Variants in AHRR observed in about 807,000 individuals in gnomAD.
The protein encoded by AHRR is aryl hydrocarbon receptor repressor, also known as ahR repressor.
Under a neutral mutation model 44.0 loss-of-function variants are expected in AHRR, and 28 were observed. The ratio of observed to expected loss-of-function variants is 0.64; its 90% CI spans 0.47 to 0.87. The LOEUF (loss-of-function observed/expected upper bound fraction) is 0.87, where lower values mean the gene tolerates loss of function less well. AHRR is among the 40% of genes least tolerant of loss of function. AHRR has a pLI of 0.00. For synonymous variants in AHRR, 434 were observed against 407.0 expected (o/e 1.07, Z -0.80); for missense variants, 990 against 953.9 (o/e 1.04, Z -0.50).
At position 436,699 on chromosome 5, in the gene AHRR, G is replaced by A. The variant is rs1737093922; in HGVS notation, c.*1865G>A. 1.3e-5 allele frequency: 2 copies of A among 152,534 alleles called. No individual in the cohort carries two copies. The highest frequency in any genetic ancestry group is 2.9e-5 in the Non-Finnish European group (2 of 68,192). The allele number at this position is 152,534 out of a possible 1,614,324, so 9.4% of individuals were successfully genotyped here. A position where few individuals can be genotyped will look rare whatever the true frequency, so the allele number is the denominator to read the frequency against. On this transcript the variant is annotated 3_prime_UTR_variant, in exon 11 of 11. Transcript: ENST00000684583. ...CCATGCTGTGCTGTCGTGGGTGTGA[G>A]ACGTGCTCATGGCCTTCCACTGCCA...
At chr5:363,905 T>G (rs953428962) in intron 3 of AHRR, among the ~76,000 whole-genome samples, 2 of 152,194 alleles carry the variant, frequency 1.3e-5, no homozygotes, top group Non-Finnish European at 2.9e-5. Context: ...TGGGAACAAT[T>G]GGCACTTCTT....
chr5:399,314 C>T (rs1734910676), intron 4 of AHRR, among the ~76,000 whole-genome samples: 2 of 152,258 alleles, frequency 1.3e-5, no homozygotes, highest in African/African-American at 2.4e-5. Flanking sequence ...GGGAGATTCA[C>T]TGTGGTAACC....
chr5:353,629 T>C (rs999206025), intron 2 of AHRR, 101 bp from the exon 3 acceptor site: 10 of 1,107,464 alleles, frequency 9.0e-6, no homozygotes, highest in Non-Finnish European at 1.3e-5. Flanking sequence ...GGCAGCAGCG[T>C]AGATGCTCCT....
intron 4 of AHRR, among the ~76,000 whole-genome samples, chr5:389,546 T>C (rs6555228): frequency 0.35 from 52,975 of 151,666 alleles, 14,273 homozygotes; most frequent in African/African-American, 0.76. Flanking sequence ...GCCACCCAGG[T>C]CCCCCCATTC....
chr5:355,443 G>A (rs953560282), intron 3 of AHRR, among the ~76,000 whole-genome samples: 9 of 152,222 alleles, frequency 5.9e-5, no homozygotes, highest in African/African-American at 2.2e-4. Flanking sequence ...GGAAGGGCTG[G>A]GGCAGCCGGC....
chr5:415,614 C>CCGAGTCTCCCTGGTCTGCT (rs1735745120), intron 5 of AHRR, among the ~76,000 whole-genome samples: 1 of 66,330 alleles, frequency 1.5e-5, no homozygotes, highest in Non-Finnish European at 3.3e-5. Flanking sequence ...CCTGGTGGGG[C>CCGAGTCTCCCTGGTCTGCT]GGGAGGCCTA....
intron 4 of AHRR, among the ~76,000 whole-genome samples, 162 bp downstream of exon 4, chr5:376,878 T>C (rs1230472384): frequency 6.6e-6 from 1 of 152,098 alleles, no homozygotes; most frequent in Non-Finnish European, 1.5e-5. Context: ...CTCCAAAATC[T>C]GTTGAAGAAG....
chr5:389,689 G>A (rs1734325197), intron 4 of AHRR, among the ~76,000 whole-genome samples: 1 of 151,984 alleles, frequency 6.6e-6, no homozygotes, highest in African/African-American at 2.4e-5. Flanking sequence ...CCTCTGGGGG[G>A]TCTGACGGCC....
At chr5:402,658 C>G (rs1180643324) in intron 4 of AHRR, among the ~76,000 whole-genome samples, 1 of 151,880 alleles carries the variant, frequency 6.6e-6, no homozygotes. Context: ...TGCAACGCAG[C>G]AGCCCCCCTG....
rs947733921 is a variant in AHRR, at chr5:370,264, T to C, written c.245-6346T>C. Among the ~76,000 whole-genome samples, 7 of 147,406 alleles carry C rather than the reference T, an allele frequency of 4.7e-5. No homozygotes were observed. The highest frequency in any genetic ancestry group is 1.3e-4 in the Admixed American group (2 of 14,862). The stretch of plus-strand genomic sequence containing the variant: ...GGCCCTCGCTGGTGCCCCGACCTCC[T>C]GGGCCCTCGCTGGAAGCTCTGCTCA... On this transcript the variant is annotated intron_variant, in intron 3 of 10. Transcript: ENST00000684583. The surrounding 1 kb of genome is among the most constrained non-coding windows in gnomAD (Gnocchi z 4.5).
In AHRR at chr5:328,255, A is replaced by ATTTTT. The variant is rs70955232; in HGVS notation, c.-11+6462_-11+6466dup. ...TTCTCTGCATCCTCACCAACATCTG[A>ATTTTT]TTTTTTTTTTTTTTTTTTTTTTTTT... is the stretch of plus-strand genomic sequence containing the variant. On this transcript the variant is annotated intron_variant, in intron 1 of 10. Coordinates refer to ENST00000684583, the MANE Select transcript of AHRR (RefSeq NM_001377236.1). Among the ~76,000 whole-genome samples the ATTTTT allele has an allele frequency of 4.1e-3, 224 of 54,290 alleles. 36 individuals carry two copies. Among genetic ancestry groups the ATTTTT allele is most frequent in the African/African-American group, 5.9e-3 (100 of 16,818 alleles). The allele number at this position is 54,290 out of a possible 152,430, so 35.6% of individuals were successfully genotyped here. A position where few individuals can be genotyped will look rare whatever the true frequency, so the allele number is the denominator to read the frequency against.
chr5:407,087 G>A (rs1014915864), intron 4 of AHRR, among the ~76,000 whole-genome samples: 1 of 152,182 alleles, frequency 6.6e-6, no homozygotes, highest in Non-Finnish European at 1.5e-5. Flanking sequence ...AGGCCTGACA[G>A]TATTTCTTAG....
intron 5 of AHRR, among the ~76,000 whole-genome samples, chr5:414,649 C>T (rs1735637696): frequency 6.6e-6 from 1 of 152,026 alleles, no homozygotes. Context: ...GCAAAGCCGT[C>T]CAAAGGAAAC....
At chr5:341,307 G>A (rs957925471) in intron 1 of AHRR, among the ~76,000 whole-genome samples, 4 of 152,166 alleles carry the variant, frequency 2.6e-5, no homozygotes, top group African/African-American at 7.2e-5. Context: ...AAGCCACTGC[G>A]CCTGGCCTCA....
chr5:434,619 C>T lies in AHRR; in HGVS notation c.1879C>T (p.Gln627Ter). 6.4e-7 allele frequency: 1 copy of T among 1,562,440 alleles called. No individual in the cohort carries two copies. The highest frequency in any genetic ancestry group is 8.7e-7 in the Non-Finnish European group (1 of 1,153,542). Residue 627 changes from glutamine (Q) to a stop codon, truncating the protein, a stop_gained, in exon 11 of 11, where the codon CAG becomes TAG. Transcript: ENST00000684583. LOFTEE classifies it low-confidence loss of function (END_TRUNC). ...CCTGGAGCCCACAGACGGCCTTCCCCAGTCGGAGCCTCCCCACCAGCTCTG... is the reference window on the plus strand; with the variant it reads ...CCTGGAGCCCACAGACGGCCTTCCCTAGTCGGAGCCTCCCCACCAGCTCTG... ...ACLEPTDGLP[Q>*]SEPPHQLCAR...
At chr5:329,116 T>C (rs1741828069) in intron 1 of AHRR, among the ~76,000 whole-genome samples, 1 of 152,206 alleles carries the variant, frequency 6.6e-6, no homozygotes, top group Non-Finnish European at 1.5e-5. Flanking sequence ...TAGTTTTTCC[T>C]GCGCTGACAC....
At position 333,617 on chromosome 5, in the gene AHRR, C is replaced by T. The variant is rs72711344; in HGVS notation, c.-10-10276C>T. 9.6e-3 allele frequency among the ~76,000 whole-genome samples: 1,453 copies of T among 152,090 alleles called. 11 individuals carry two copies. The highest frequency in any genetic ancestry group is 0.024 in the Middle Eastern group (7 of 292). The stretch of plus-strand genomic sequence containing the variant: ...TCTCAAAAAAAACAAAACAAAAAAC[C>T]GGACTGTTAACCTGTTTACCTTCAA... On this transcript the variant is annotated intron_variant, in intron 1 of 10. Coordinates refer to ENST00000684583, the MANE Select transcript of AHRR (RefSeq NM_001377236.1).
chr5:414,153 C>T (rs896311181), intron 5 of AHRR, among the ~76,000 whole-genome samples: 1 of 152,084 alleles, frequency 6.6e-6, no homozygotes, highest in Admixed American at 6.5e-5. Flanking sequence ...GTCCCAGCTA[C>T]TAGGGAGGCT....
intron 3 of AHRR, among the ~76,000 whole-genome samples, chr5:360,697 C>T (rs187681297): frequency 5.9e-5 from 9 of 152,248 alleles, no homozygotes; most frequent in South Asian, 2.1e-4. Flanking sequence ...GCCCGTGGAA[C>T]GCGAGGAAAG....
Sources: allele counts gnomAD v4.1 joint callset (sites outside exome capture counted in the v4.1 genomes callset), GRCh38; gene constraint gnomAD v4.1.1; non-coding constraint Gnocchi (gnomAD v3.1); transcripts MANE v1.5; gene names NCBI Gene and HGNC (gene_info 2026-07-23, HGNC 2026-07-21).